SAMD3: variants seen among roughly 807,000 people sequenced by gnomAD.
The protein encoded by SAMD3 is sterile alpha motif domain containing 3.
SAMD3 carries 63 observed loss-of-function variants against 58.5 expected under a neutral mutation model. That is an observed-to-expected ratio of 1.08 (90% CI 0.88 to 1.33). The LOEUF (loss-of-function observed/expected upper bound fraction) is 1.33. Ranked by LOEUF, SAMD3 falls within the 40% of genes most tolerant of loss-of-function variation. SAMD3 has a pLI of 0.00. For missense variants in SAMD3, 604 were observed against 608.4 expected, an observed-to-expected ratio of 0.99 and a Z score of 0.08; for synonymous variants, 220 against 210.3, an observed-to-expected ratio of 1.05 and a Z score of -0.40.
intron 1 of SAMD3, among the ~76,000 whole-genome samples, chr6:130,337,267 GCA>G (rs2115019293): frequency 6.6e-6 from 1 of 152,208 alleles, no homozygotes; most frequent in African/African-American, 2.4e-5. Context: ...AGTTCCTCCT[GCA>G]CACACTTTTC....
intron 2 of SAMD3, among the ~76,000 whole-genome samples, chr6:130,277,046 C>G (rs980255802): frequency 6.6e-6 from 1 of 152,108 alleles, no homozygotes; most frequent in Non-Finnish European, 1.5e-5. Context: ...GTAATGTTAT[C>G]TATAAAAGCA....
intron 8 of SAMD3, among the ~76,000 whole-genome samples, chr6:130,156,588 T>C (rs965971709): frequency 6.6e-6 from 1 of 152,202 alleles, no homozygotes; most frequent in African/African-American, 2.4e-5. Flanking sequence ...ACGTTTCACA[T>C]ACTATCATAC....
intron 8 of SAMD3, chr6:130,162,071 A>T: frequency 1.9e-6 from 1 of 518,740 alleles, no homozygotes; most frequent in Non-Finnish European, 3.4e-6. Context: ...CTTTAGAGGA[A>T]TCAGCGTAAA....
At chr6:130,266,174 G>A (rs950432766) in intron 2 of SAMD3, among the ~76,000 whole-genome samples, 3 of 152,230 alleles carry the variant, frequency 2.0e-5, no homozygotes, top group Admixed American at 6.5e-5. Context: ...GTTTATAAAC[G>A]CTCTCCTGAG....
At chr6:130,143,761 G>T (rs1414752026), downstream of SAMD3, 1 of 152,222 alleles carries the variant, frequency 6.6e-6, no homozygotes, top group Admixed American at 6.5e-5. Flanking sequence ...TTGTGAAATA[G>T]TTGGAAAGAG....
chr6:130,359,777 C>G (rs1235842324), intron 1 of SAMD3, among the ~76,000 whole-genome samples: 1 of 152,194 alleles, frequency 6.6e-6, no homozygotes, highest in African/African-American at 2.4e-5. Context: ...AACTGAAACT[C>G]TACTCACATT....
intron 2 of SAMD3, among the ~76,000 whole-genome samples, chr6:130,244,760 TA>T (rs1281882619): frequency 6.7e-6 from 1 of 148,844 alleles, no homozygotes; most frequent in East Asian, 2.0e-4. Flanking sequence ...AAAATAAAAA[TA>T]AAAATAAAAA....
chr6:130,172,330 G>T (rs1582787174), intron 8 of SAMD3, among the ~76,000 whole-genome samples: 2 of 152,222 alleles, frequency 1.3e-5, no homozygotes, highest in Admixed American at 6.5e-5. Flanking sequence ...GTTTGTTTTT[G>T]CAGTGGCTGG....
At chr6:130,145,771 C>T (rs1001139594) in intron 10 of SAMD3, among the ~76,000 whole-genome samples, 1 of 151,986 alleles carries the variant, frequency 6.6e-6, no homozygotes, top group Non-Finnish European at 1.5e-5. Flanking sequence ...ATCTATACCT[C>T]TCCTCCTCCT....
intron 9 of SAMD3, among the ~76,000 whole-genome samples, chr6:130,150,750 C>T (rs1179131397): frequency 1.4e-4 from 21 of 149,666 alleles, no homozygotes; most frequent in Admixed American, 2.7e-4. Context: ...CTCACTCCAT[C>T]GCCCAGGCTG....
upstream of SAMD3, among the ~76,000 whole-genome samples, chr6:130,224,037 G>T (rs1393447837): frequency 1.3e-5 from 2 of 152,160 alleles, no homozygotes; most frequent in Non-Finnish European, 2.9e-5. Context: ...GCTCTCAGCA[G>T]ATGGATGGGA....
At chr6:130,341,171 A>AGGG (rs1777259712) in intron 1 of SAMD3, among the ~76,000 whole-genome samples, 1 of 85,684 alleles carries the variant, frequency 1.2e-5, no homozygotes, top group African/African-American at 8.2e-5. Flanking sequence ...GGGAGGGAGG[A>AGGG]AGGAAGGAAG....
intron 2 of SAMD3, among the ~76,000 whole-genome samples, chr6:130,305,658 G>C (rs944638783): frequency 6.6e-6 from 1 of 152,142 alleles, no homozygotes; most frequent in Non-Finnish European, 1.5e-5. Context: ...TGTAAAGAAG[G>C]TCATATGGTT....
intron 2 of SAMD3, among the ~76,000 whole-genome samples, chr6:130,273,623 C>T (rs896247501): frequency 1.5e-4 from 23 of 149,984 alleles, no homozygotes; most frequent in Non-Finnish European, 5.9e-5. Context: ...TAGATATAGT[C>T]TTTATTCTCT....
intron 2 of SAMD3, among the ~76,000 whole-genome samples, chr6:130,242,478 T>C (rs1773393376): frequency 6.6e-6 from 1 of 152,204 alleles, no homozygotes; most frequent in South Asian, 2.1e-4. Context: ...AACACGATCA[T>C]GGATAAGTAA....
At chr6:130,298,549 A>T (rs780853203) in intron 2 of SAMD3, among the ~76,000 whole-genome samples, 1 of 152,206 alleles carries the variant, frequency 6.6e-6, no homozygotes, top group Non-Finnish European at 1.5e-5. Context: ...GACATAACGA[A>T]AGCAGTATTA....
At chr6:130,365,300 C>T (rs530372273) in exon 1 of SAMD3, 2 of 985,248 alleles carry the variant, frequency 2.0e-6, no homozygotes, top group Admixed American at 6.1e-5. Context: ...CGAAGACCCC[C>T]GTGCTTCAGT....
intron 2 of SAMD3, among the ~76,000 whole-genome samples, chr6:130,251,139 A>G (rs1402580135): frequency 6.6e-6 from 1 of 152,216 alleles, no homozygotes; most frequent in African/African-American, 2.4e-5. Context: ...AAGTGGGCAT[A>G]AAGTGGTATC....
chr6:130,216,236 G>A (rs1795997099), intron 2 of SAMD3, among the ~76,000 whole-genome samples: 1 of 149,462 alleles, frequency 6.7e-6, no homozygotes, highest in African/African-American at 2.5e-5. Flanking sequence ...ACCTCTGATG[G>A]ACTTGGAGAG....
Sources: allele counts gnomAD v4.1 joint callset (sites outside exome capture counted in the v4.1 genomes callset), GRCh38; gene constraint gnomAD v4.1.1; transcripts MANE v1.5; gene names NCBI Gene and HGNC (gene_info 2026-07-23, HGNC 2026-07-21).